Variants in PDE1C observed in about 807,000 individuals in gnomAD.
PDE1C encodes phosphodiesterase 1C, also known as dual specificity calcium/calmodulin-dependent 3',5'-cyclic nucleotide phosphodiesterase 1C.
In PDE1C, 62 loss-of-function variants were observed where a neutral mutation model predicts 93.1. The ratio of observed to expected loss-of-function variants is 0.67; its 90% confidence interval spans 0.54 to 0.82. The LOEUF (loss-of-function observed/expected upper bound fraction) is 0.82. Ranked by LOEUF, PDE1C falls within the 40% of genes least tolerant of loss-of-function variation. The probability of loss-of-function intolerance (pLI) is 0.00; values close to 1 mark genes in which losing one functional copy is unlikely to be tolerated. For synonymous variants in PDE1C, 325 were observed against 310.1 expected (o/e 1.05, Z -0.50); for missense variants, 742 against 884.6 (o/e 0.84, Z 2.04).
chr7:31,946,420 G>A (rs1309709347), intron 2 of PDE1C, among the ~76,000 whole-genome samples: 1 of 152,118 alleles, frequency 6.6e-6, no homozygotes, highest in Non-Finnish European at 1.5e-5. Flanking sequence ...CCAGGGCTCA[G>A]GGCATAAAAC....
chr7:31,919,168 G>A (rs2128955286), intron 2 of PDE1C, among the ~76,000 whole-genome samples: 1 of 152,304 alleles, frequency 6.6e-6, no homozygotes, highest in South Asian at 2.1e-4. Flanking sequence ...GAGCCATGGT[G>A]CCAGGGCATA....
At chr7:31,985,441 A>G (rs1323616603) in intron 2 of PDE1C, among the ~76,000 whole-genome samples, 1 of 152,154 alleles carries the variant, frequency 6.6e-6, no homozygotes, top group East Asian at 1.9e-4. Flanking sequence ...TTGTTATTAT[A>G]CTTTAAGTTC....
intron 1 of PDE1C, among the ~76,000 whole-genome samples, chr7:32,064,464 C>A (rs1476388660): frequency 6.6e-6 from 1 of 152,034 alleles, no homozygotes; most frequent in Non-Finnish European, 1.5e-5. Flanking sequence ...TCAAACATGC[C>A]CCCTGTTCTT....
chr7:31,870,632 G>C (rs1795830405), intron 6 of PDE1C, among the ~76,000 whole-genome samples: 1 of 151,980 alleles, frequency 6.6e-6, no homozygotes, highest in African/African-American at 2.4e-5. Context: ...AAAAAGAGAA[G>C]TCTAGGACCA....
At chr7:32,317,051 G>A (rs766061934) in intron 1 of PDE1C, among the ~76,000 whole-genome samples, 2 of 152,144 alleles carry the variant, frequency 1.3e-5, no homozygotes, top group Non-Finnish European at 2.9e-5. Flanking sequence ...ACACGCCTGA[G>A]GAATTGACTC....
At chr7:31,777,557 A>G (rs34914946) in intron 16 of PDE1C, among the ~76,000 whole-genome samples, 122,657 of 151,428 alleles carry the variant, frequency 0.81, 50,634 homozygotes, top group Non-Finnish European at 0.89. Context: ...TCAAACTCCT[A>G]ACCTCGTGAT....
chr7:31,709,687 T>C, the PDE1C span, among the ~76,000 whole-genome samples: 532 of 152,306 alleles, frequency 3.5e-3, no homozygotes, highest in African/African-American at 0.012. Flanking sequence ...CAACCCTGGA[T>C]ATCACTGGGT....
chr7:32,059,229 T>G (rs1794499739), intron 1 of PDE1C, among the ~76,000 whole-genome samples: 1 of 152,154 alleles, frequency 6.6e-6, no homozygotes, highest in Non-Finnish European at 1.5e-5. Flanking sequence ...CAGTGTGGTT[T>G]GGGGGTGGGG....
intron 3 of PDE1C, among the ~76,000 whole-genome samples, chr7:32,167,559 G>A (rs766252007): frequency 6.6e-6 from 1 of 152,092 alleles, no homozygotes; most frequent in Non-Finnish European, 1.5e-5. Flanking sequence ...GGGACAAAAG[G>A]CATAACAGGA....
At position 32,186,272 on chromosome 7, in the gene PDE1C, T is replaced by G. The variant is rs551034292; in HGVS notation, c.137-16316A>C. 3.9e-3 allele frequency among the ~76,000 whole-genome samples: 588 copies of G among 152,066 alleles called. 3 individuals are homozygous for G. The highest frequency in any genetic ancestry group is 0.013 in the African/African-American group (548 of 41,488). ...CGCCCGCCACCGCGCCCGGCTAATTTTTTGTATTTTTAGTAGAGACGGGGT... is the reference window on the plus strand; with the variant it reads ...CGCCCGCCACCGCGCCCGGCTAATTGTTTGTATTTTTAGTAGAGACGGGGT... On this transcript the variant is annotated intron_variant, in intron 2 of 18. Coordinates refer to the PDE1C transcript ENST00000396193.
chr7:31,715,726 T>C, the PDE1C span, among the ~76,000 whole-genome samples: 1 of 152,234 alleles, frequency 6.6e-6, no homozygotes, highest in East Asian at 1.9e-4. Context: ...TTCCATCCCA[T>C]TGGCTATAAC....
At chr7:31,871,558 C>T (rs973938951) in intron 6 of PDE1C, among the ~76,000 whole-genome samples, 1 of 151,694 alleles carries the variant, frequency 6.6e-6, no homozygotes. Flanking sequence ...AAGATATAGA[C>T]ATTTCTCAAA....
At chr7:31,820,648 G>C (rs113796095) in intron 14 of PDE1C, 1 of 151,804 alleles carries the variant, frequency 6.6e-6, no homozygotes, top group Admixed American at 6.6e-5. Flanking sequence ...GGGTCATCTG[G>C]AAAAAAAGAG....
At chr7:31,825,892 T>A (rs1052679757) in intron 12 of PDE1C, among the ~76,000 whole-genome samples, 1 of 132,594 alleles carries the variant, frequency 7.5e-6, no homozygotes, top group Non-Finnish European at 1.6e-5. Context: ...ATTTGCTGAC[T>A]TTGAGGTACA....
intron 2 of PDE1C, among the ~76,000 whole-genome samples, chr7:31,905,288 A>G (rs1246073281): frequency 2.6e-5 from 4 of 152,176 alleles, no homozygotes; most frequent in African/African-American, 9.7e-5. Context: ...TTTAAGTATC[A>G]TCACTCTAAT....
At chr7:31,896,224 G>T (rs1228311796) in intron 2 of PDE1C, among the ~76,000 whole-genome samples, 2 of 152,146 alleles carry the variant, frequency 1.3e-5, no homozygotes, top group African/African-American at 4.8e-5. Flanking sequence ...GTTGTAGTTT[G>T]GAGGTCCCTG....
the PDE1C span, among the ~76,000 whole-genome samples, chr7:31,666,451 G>A: frequency 6.6e-6 from 1 of 152,082 alleles, no homozygotes; most frequent in African/African-American, 2.4e-5. Context: ...TTTAAATGAA[G>A]TTATTTTCTA....
chr7:32,125,185 T>G (rs1584808958), intron 3 of PDE1C, among the ~76,000 whole-genome samples: 1 of 152,280 alleles, frequency 6.6e-6, no homozygotes, highest in South Asian at 2.1e-4. Context: ...CTCACGCCAG[T>G]CAGAATGGCA....
intron 1 of PDE1C, among the ~76,000 whole-genome samples, chr7:32,243,862 G>A (rs536551097): frequency 6.0e-4 from 91 of 152,300 alleles, no homozygotes; most frequent in African/African-American, 2.1e-3. Context: ...TTCCTGATAC[G>A]AAGGACACTT....
Sources: allele counts gnomAD v4.1 joint callset (sites outside exome capture counted in the v4.1 genomes callset), GRCh38; gene constraint gnomAD v4.1.1; transcripts MANE v1.5; gene names NCBI Gene and HGNC (gene_info 2026-07-23, HGNC 2026-07-21).